Variants in MYO1G observed in about 807,000 individuals in gnomAD.
MYO1G encodes the protein unconventional myosin-Ig.
MYO1G carries 65 observed loss-of-function variants against 115.3 expected under a neutral mutation model. The observed-to-expected ratio is 0.56, with a 90% CI of 0.46 to 0.69. The LOEUF (loss-of-function observed/expected upper bound fraction) is 0.69. Among genes scored for constraint, MYO1G ranks in the 30% least tolerant of loss-of-function variants. The probability of loss-of-function intolerance (pLI) is 0.00; values close to 1 mark genes in which losing one functional copy is unlikely to be tolerated. For synonymous variants in MYO1G, 510 were observed against 552.6 expected, an observed-to-expected ratio of 0.92 and a Z score of 1.08; for missense variants, 1,204 against 1,393.5, an observed-to-expected ratio of 0.86 and a Z score of 2.16.
At chr7:44,967,050 C>T (rs1165888756) in intron 14 of MYO1G, among the ~76,000 whole-genome samples, 7 of 152,130 alleles carry the variant, frequency 4.6e-5, no homozygotes, top group African/African-American at 1.2e-4. Context: ...AGCCCCTGGT[C>T]GGGGGGTGGG....
rs1402395399 is a variant in MYO1G at position 44,963,223 on chromosome 7, C to T, written c.2746-99G>A. 1.8e-5 allele frequency: 24 copies of T among 1,350,740 alleles called. No individual in the cohort carries two copies. The highest frequency in any genetic ancestry group is 2.2e-5 in the Non-Finnish European group (23 of 1,047,504). The allele number at this position is 1,350,740 out of a possible 1,614,324, so 83.7% of individuals were successfully genotyped here. On this transcript the variant is annotated intron_variant, in intron 20 of 21. Coordinates refer to ENST00000258787, the MANE Select transcript of MYO1G (RefSeq NM_033054.3). This position sits in a 1 kb window ranked among gnomAD's most constrained non-coding sequence, Gnocchi z 4.1. ...AGGAAGCCTCTGCCGAACCCCCAAC[C>T]GCACCCGGGGAGCGCCGCCCTCGCC...
rs142790224 is a variant in MYO1G, at chr7:44,966,765, C to T, written c.1856G>A (p.Arg619His). ...VAGKLDENHC[R>H]HQVAYLGLLE... Reference sequence around the variant, plus strand: ...CAGCCCCAGGTATGCGACCTGGTGGCGACAGTGGTTCTCATCCAGCTTCCC... The same window carrying T: ...CAGCCCCAGGTATGCGACCTGGTGGTGACAGTGGTTCTCATCCAGCTTCCC... Residue 619 changes from arginine (R) to histidine (H), a missense_variant, in exon 15 of 22, where the codon CGC (arginine) becomes CAC (histidine). Physicochemically the swap from Arg to His is conservative, Grantham distance 29 (BLOSUM62 0). Coordinates refer to ENST00000258787, the MANE Select transcript of MYO1G (RefSeq NM_033054.3). The surrounding 1 kb of genome is among the most constrained non-coding windows in gnomAD (Gnocchi z 5.0). The T allele has an allele frequency of 3.0e-5, 49 of 1,613,580 alleles. No individual in the cohort carries two copies. Among genetic ancestry groups the T allele is most frequent in the African/African-American group, 2.3e-4 (17 of 75,036 alleles).
intron 14 of MYO1G, 49 bp downstream of exon 14, chr7:44,967,556 C>T: frequency 6.2e-7 from 1 of 1,610,536 alleles, no homozygotes; most frequent in South Asian, 1.1e-5. Flanking sequence ...ACCGAGGGCA[C>T]AGAGAGAAGG....
chr7:44,975,499 G>A lies in MYO1G; in HGVS notation c.549C>T (p.Ser183=). 1 of 1,612,014 alleles carries A rather than the reference G, an allele frequency of 6.2e-7. No individual in the cohort carries two copies. Among genetic ancestry groups the A allele is most frequent in the Non-Finnish European group, 8.5e-7 (1 of 1,178,684 alleles). ...KGDPIGGHIH[S]YLLEKSRVLK... is the part of the protein sequence containing the mutation. Reference sequence around the variant, plus strand: ...ACCTGCCCACCTTCTCCAGTAGGTAGCTGTGGATGTGTCCTCCGATCGGGT... The same window carrying A: ...ACCTGCCCACCTTCTCCAGTAGGTAACTGTGGATGTGTCCTCCGATCGGGT... The change falls in exon 4 of 22, where the codon AGC becomes AGT. Residue 183 remains serine (S), a synonymous_variant. Transcript: ENST00000258787.
chr7:44,975,449 C>T (rs1225843703), intron 4 of MYO1G, 35 bp downstream of exon 4: 10 of 1,585,152 alleles, frequency 6.3e-6, no homozygotes, highest in South Asian at 1.1e-5. Flanking sequence ...TCGGCCAGGG[C>T]TCCCCATGGA....
At position 44,964,888 on chromosome 7, in the gene MYO1G, G is replaced by A; in HGVS notation, c.2526+57C>T. 16 of 1,560,236 alleles carry A rather than the reference G, an allele frequency of 1.0e-5. No individual in the cohort carries two copies. The highest frequency in any genetic ancestry group is 1.4e-5 in the African/African-American group (1 of 73,782). The stretch of plus-strand genomic sequence containing the variant: ...GGGACCTGGTCACAGCATTAGCCGA[G>A]AGCCCTCTTTGGCAGCCCACTTCCC... On this transcript the variant is annotated intron_variant, in intron 18 of 21. Coordinates refer to ENST00000258787, the MANE Select transcript of MYO1G (RefSeq NM_033054.3). This position sits in a 1 kb window ranked among gnomAD's most constrained non-coding sequence, Gnocchi z 5.1.
At position 44,963,520 on chromosome 7, in the gene MYO1G, C is replaced by T. The variant is rs537811732; in HGVS notation, c.2746-396G>A. 17 of 223,484 alleles carry T rather than the reference C, an allele frequency of 7.6e-5. No homozygotes were observed. The South Asian group carries it at 1.7e-3, about 22-fold the overall frequency. The allele number at this position is 223,484 out of a possible 1,614,324, so 13.8% of individuals were successfully genotyped here. A position where few individuals can be genotyped will look rare whatever the true frequency, so the allele number is the denominator to read the frequency against. On this transcript the variant is annotated intron_variant, in intron 20 of 21. Coordinates refer to ENST00000258787, the MANE Select transcript of MYO1G (RefSeq NM_033054.3). The surrounding 1 kb of genome is among the most constrained non-coding windows in gnomAD (Gnocchi z 4.1). ...TGGCATTACACAGCAAGGCACTCAC[C>T]GCCCTTTCTATTGGGACAGTCATGG... is the stretch of plus-strand genomic sequence containing the variant.
At chr7:44,977,694 G>C (rs1795082793) in intron 1 of MYO1G, among the ~76,000 whole-genome samples, 1 of 152,184 alleles carries the variant, frequency 6.6e-6, no homozygotes, top group Admixed American at 6.5e-5. Flanking sequence ...GGTCCCCAGT[G>C]GGGGTGGATG....
At position 44,963,285 on chromosome 7, in the gene MYO1G, C is replaced by G. The variant is rs2128700759; in HGVS notation, c.2746-161G>C. The G allele has an allele frequency of 1.3e-6, 1 of 759,342 alleles. No homozygotes were observed. Among genetic ancestry groups the G allele is most frequent in the African/African-American group, 1.9e-5 (1 of 53,480 alleles). 47.0% of individuals were successfully genotyped at this position (759,342 alleles called of 1,614,324 possible). On this transcript the variant is annotated intron_variant, in intron 20 of 21. Coordinates refer to ENST00000258787, the MANE Select transcript of MYO1G (RefSeq NM_033054.3). The surrounding 1 kb of genome is among the most constrained non-coding windows in gnomAD (Gnocchi z 4.1). ...CCCCCCACCGCCCCCTCCTCCCTCTCGGGGCCCTGCTGACAGGGGGAAGCT... is the reference window on the plus strand; with the variant it reads ...CCCCCCACCGCCCCCTCCTCCCTCTGGGGGCCCTGCTGACAGGGGGAAGCT...
chr7:44,975,319 G>A (rs1185568042), intron 4 of MYO1G, 92 bp from the exon 5 acceptor site: 7 of 1,531,202 alleles, frequency 4.6e-6, no homozygotes, highest in Non-Finnish European at 9.0e-7. Flanking sequence ...GGCAGGCTGG[G>A]GGTCAGAGAG....
In MYO1G at chr7:44,964,043, G is replaced by T; in HGVS notation, c.2745+6C>A. ...CTGCACCCTACTCCCCACCCACATT[G>T]CTCACCGCCTCAAGGGGCACGGCCC... On this transcript the variant is annotated splice_donor_region_variant and intron_variant, in intron 20 of 21. Transcript: ENST00000258787. The surrounding 1 kb of genome is among the most constrained non-coding windows in gnomAD (Gnocchi z 5.1). The T allele has an allele frequency of 1.3e-6, 2 of 1,573,190 alleles. No individual in the cohort carries two copies. Among genetic ancestry groups the T allele is most frequent in the Non-Finnish European group, 1.7e-6 (2 of 1,158,318 alleles).
chr7:44,975,698 G>C (rs1335077034), intron 3 of MYO1G, 49 bp from the exon 4 acceptor site: 2 of 1,513,416 alleles, frequency 1.3e-6, no homozygotes, highest in Non-Finnish European at 1.8e-6. Context: ...TCCCATCTGG[G>C]GAATGCTGTC....
intron 2 of MYO1G, 26 bp downstream of exon 2, chr7:44,976,836 TG>T (rs1192923680): frequency 1.9e-5 from 31 of 1,609,552 alleles, no homozygotes; most frequent in Non-Finnish European, 2.5e-5. Context: ...ATGCCGAGGG[TG>T]GGGGCCCGGC....
At chr7:44,976,233 T>C (rs1443332354) in intron 3 of MYO1G, among the ~76,000 whole-genome samples, 1 of 152,214 alleles carries the variant, frequency 6.6e-6, no homozygotes, top group African/African-American at 2.4e-5. Context: ...TTCCATGGAA[T>C]CTGCCTGCTG....
intron 5 of MYO1G, chr7:44,974,850 C>G (rs1795019125): frequency 2.3e-6 from 1 of 425,566 alleles, no homozygotes; most frequent in African/African-American, 2.0e-5. Context: ...GAGACACTGC[C>G]TGTAATCCCA....
intron 16 of MYO1G, 105 bp downstream of exon 16, chr7:44,965,968 C>T: frequency 6.5e-7 from 1 of 1,541,846 alleles, no homozygotes; most frequent in African/African-American, 1.4e-5. Flanking sequence ...GGCCTGTCTC[C>T]ATCAAGCAGA....
In MYO1G at chr7:44,964,342, A is replaced by G; in HGVS notation, c.2631+73T>C. ...CCCAAGTGCCCCCCCAAAACTCTGCACCAGCTTCTAACCTTGCAGACGTGG... is the reference window on the plus strand; with the variant it reads ...CCCAAGTGCCCCCCCAAAACTCTGCGCCAGCTTCTAACCTTGCAGACGTGG... On this transcript the variant is annotated intron_variant, in intron 19 of 21. Transcript: ENST00000258787. This position sits in a 1 kb window ranked among gnomAD's most constrained non-coding sequence, Gnocchi z 5.1. 3.4e-6 allele frequency: 5 copies of G among 1,478,002 alleles called. No homozygotes were observed. Among genetic ancestry groups the G allele is most frequent in the African/African-American group, 1.4e-5 (1 of 72,226 alleles). The allele number at this position is 1,478,002 out of a possible 1,614,324, so 91.6% of individuals were successfully genotyped here. A position where few individuals can be genotyped will look rare whatever the true frequency, so the allele number is the denominator to read the frequency against.
chr7:44,966,398 T>C lies in MYO1G; in HGVS notation c.1950-118A>G, dbSNP rs1213916578. 8.4e-6 allele frequency: 8 copies of C among 955,826 alleles called. No homozygotes were observed. The highest frequency in any genetic ancestry group is 1.3e-5 in the Non-Finnish European group (8 of 620,464). The allele number at this position is 955,826 out of a possible 1,614,324, so 59.2% of individuals were successfully genotyped here. A position where few individuals can be genotyped will look rare whatever the true frequency, so the allele number is the denominator to read the frequency against. On this transcript the variant is annotated intron_variant, in intron 15 of 21. Coordinates refer to ENST00000258787, the MANE Select transcript of MYO1G (RefSeq NM_033054.3). The surrounding 1 kb of genome is among the most constrained non-coding windows in gnomAD (Gnocchi z 5.0). ...ATACAGAGTGTGTTCCTGGAGCACT[T>C]ATGACACCTGTGCACATATGTCTTC...
In MYO1G at chr7:44,964,242, C is replaced by T; in HGVS notation, c.2632-80G>A. 7.3e-7 allele frequency: 1 copy of T among 1,365,868 alleles called. No individual in the cohort carries two copies. 84.6% of individuals were successfully genotyped at this position (1,365,868 alleles called of 1,614,324 possible). ...CCCAGGCTTCGGCAGTCCCTACTGCCTCCCCTCCCCGCTGGCGACAGTTTT... is the reference window on the plus strand; with the variant it reads ...CCCAGGCTTCGGCAGTCCCTACTGCTTCCCCTCCCCGCTGGCGACAGTTTT... On this transcript the variant is annotated intron_variant, in intron 19 of 21. Transcript: ENST00000258787. The surrounding 1 kb of genome is among the most constrained non-coding windows in gnomAD (Gnocchi z 5.1).
Sources: allele counts gnomAD v4.1 joint callset (sites outside exome capture counted in the v4.1 genomes callset), GRCh38; gene constraint gnomAD v4.1.1; non-coding constraint Gnocchi (gnomAD v3.1); transcripts MANE v1.5; gene names NCBI Gene and HGNC (gene_info 2026-07-23, HGNC 2026-07-21).